CRYL1: variants seen among roughly 807,000 people sequenced by gnomAD.
The protein encoded by CRYL1 is crystallin lambda 1.
In CRYL1, 29 loss-of-function variants were observed where a neutral mutation model predicts 36.6. The observed-to-expected ratio is 0.79, with a 90% CI of 0.59 to 1.08. CRYL1 has a LOEUF of 1.08. CRYL1 is among the 50% of genes least tolerant of loss of function. CRYL1 has a pLI of 0.00. For synonymous variants in CRYL1, 152 were observed against 151.5 expected, an observed-to-expected ratio of 1.00 and a Z score of -0.02; for missense variants, 411 against 407.9, an observed-to-expected ratio of 1.01 and a Z score of -0.06.
At chr13:20,498,882 T>C (rs7318394) in intron 2 of CRYL1, among the ~76,000 whole-genome samples, 28,771 of 152,180 alleles carry the variant, frequency 0.19, 2,893 homozygotes, top group South Asian at 0.25. Context: ...TGACTTCTGA[T>C]CCTATTTTGT....
chr13:20,456,514 G>A (rs9315592), intron 3 of CRYL1, among the ~76,000 whole-genome samples: 84,199 of 147,206 alleles, frequency 0.57, 25,314 homozygotes, highest in South Asian at 0.8. Flanking sequence ...AAAGAAGAGA[G>A]GCGAGGCAGG....
At chr13:20,516,249 T>C (rs950390291) in intron 1 of CRYL1, among the ~76,000 whole-genome samples, 1 of 144,286 alleles carries the variant, frequency 6.9e-6, no homozygotes, top group African/African-American at 2.6e-5. Flanking sequence ...CTATGCTAAA[T>C]GTGGTTTAAA....
At chr13:20,445,778 AC>A (rs2032440172) in intron 3 of CRYL1, among the ~76,000 whole-genome samples, 2 of 152,252 alleles carry the variant, frequency 1.3e-5, no homozygotes, top group South Asian at 4.1e-4. Flanking sequence ...TAAAACTATG[AC>A]AAAAATCAAA....
intron 4 of CRYL1, among the ~76,000 whole-genome samples, chr13:20,437,021 T>A (rs1315348905): frequency 2.6e-5 from 4 of 151,912 alleles, no homozygotes; most frequent in African/African-American, 9.7e-5. Context: ...TGGGGCCAGG[T>A]GTGGTGCCTT....
chr13:20,456,596 G>A lies in CRYL1; in HGVS notation c.277-16842C>T, dbSNP rs559683529. On this transcript the variant is annotated intron_variant, in intron 3 of 7. Coordinates refer to ENST00000298248, the MANE Select transcript of CRYL1 (RefSeq NM_015974.3). ...TGTACTCAGGCCTGGGCAAGACCAC[G>A]ATTCTTAAAACACACACACACACAC... Among the ~76,000 whole-genome samples, 172 of 144,826 alleles carry A rather than the reference G, an allele frequency of 1.2e-3. 1 individual carries two copies. The highest frequency in any genetic ancestry group is 1.9e-3 in the Non-Finnish European group (122 of 65,626).
At chr13:20,463,550 C>CT (rs572992686) in intron 3 of CRYL1, among the ~76,000 whole-genome samples, 162 of 152,286 alleles carry the variant, frequency 1.1e-3, no homozygotes, top group African/African-American at 3.6e-3. Flanking sequence ...CCTTTCTGAA[C>CT]TAGGTGTTAA....
At chr13:20,514,678 T>A in intron 1 of CRYL1, among the ~76,000 whole-genome samples, 1 of 152,132 alleles carries the variant, frequency 6.6e-6, no homozygotes, top group East Asian at 1.9e-4. Flanking sequence ...TAATAAACGA[T>A]GTTAACAATA....
chr13:20,445,652 T>G (rs2032436677), intron 3 of CRYL1, among the ~76,000 whole-genome samples: 1 of 152,094 alleles, frequency 6.6e-6, no homozygotes, highest in African/African-American at 2.4e-5. Flanking sequence ...AAAACAGACT[T>G]TAGAAATAGA....
At chr13:20,416,664 T>C (rs1380120844) in intron 5 of CRYL1, among the ~76,000 whole-genome samples, 1 of 152,240 alleles carries the variant, frequency 6.6e-6, no homozygotes. Flanking sequence ...ACTTGCAGTG[T>C]TATTTGGCTT....
At chr13:20,457,197 A>G (rs1195546783) in intron 3 of CRYL1, among the ~76,000 whole-genome samples, 1 of 152,122 alleles carries the variant, frequency 6.6e-6, no homozygotes, top group African/African-American at 2.4e-5. Context: ...GACCCCTCCA[A>G]GTCCCATCTT....
intron 1 of CRYL1, among the ~76,000 whole-genome samples, chr13:20,520,630 G>A (rs554000507): frequency 2.6e-5 from 4 of 152,270 alleles, no homozygotes; most frequent in Non-Finnish European, 5.9e-5. Context: ...GCAGACCGCT[G>A]ACCCCTGGGG....
At chr13:20,487,250 G>GAA (rs60622317) in intron 3 of CRYL1, among the ~76,000 whole-genome samples, 38,499 of 148,166 alleles carry the variant, frequency 0.26, 4,911 homozygotes, top group Admixed American at 0.31. Context: ...TTCTTTAAAA[G>GAA]AAAAAAAAAA....
intron 3 of CRYL1, among the ~76,000 whole-genome samples, chr13:20,442,636 A>G (rs937939844): frequency 3.9e-5 from 6 of 152,118 alleles, no homozygotes; most frequent in African/African-American, 1.4e-4. Flanking sequence ...TGCACTCTCA[A>G]CTCTGTCTTT....
chr13:20,515,935 T>C (rs1280930519), intron 1 of CRYL1: 1 of 152,372 alleles, frequency 6.6e-6, no homozygotes, highest in Non-Finnish European at 1.5e-5. Context: ...CTTACGCCTA[T>C]ATTCCCAGCA....
chr13:20,506,773 A>G (rs2033801170), intron 2 of CRYL1, among the ~76,000 whole-genome samples: 1 of 152,232 alleles, frequency 6.6e-6, no homozygotes, highest in Non-Finnish European at 1.5e-5. Flanking sequence ...TGAAAAGTCT[A>G]TGGTAGCAGC....
chr13:20,439,526 A>AG, intron 4 of CRYL1, 67 bp downstream of exon 4: 2 of 1,097,148 alleles, frequency 1.8e-6, no homozygotes, highest in Non-Finnish European at 2.5e-6. Context: ...AAAAAAAAAA[A>AG]AAAAGAAAAA....
At chr13:20,466,565 G>A (rs2032937269) in intron 3 of CRYL1, among the ~76,000 whole-genome samples, 1 of 152,054 alleles carries the variant, frequency 6.6e-6, no homozygotes, top group African/African-American at 2.4e-5. Context: ...GAATAATCAG[G>A]GAAATGCAAA....
At position 20,512,438 on chromosome 13, in the gene CRYL1, C is replaced by T; in HGVS notation, c.149+5G>A. On this transcript the variant is annotated splice_donor_5th_base_variant and intron_variant, in intron 2 of 7. Coordinates refer to ENST00000298248, the MANE Select transcript of CRYL1 (RefSeq NM_015974.3). Reference sequence around the variant, plus strand: ...ATTCCTTCTGGAGAGCGCCGGCTGGCCCACCTGATGTTTTCCAGGGCGTTC... The same window carrying T: ...ATTCCTTCTGGAGAGCGCCGGCTGGTCCACCTGATGTTTTCCAGGGCGTTC... The T allele has an allele frequency of 6.2e-7, 1 of 1,607,218 alleles. No homozygotes were observed. The highest frequency in any genetic ancestry group is 8.5e-7 in the Non-Finnish European group (1 of 1,174,498).
chr13:20,499,733 T>C (rs1299249826), intron 2 of CRYL1, among the ~76,000 whole-genome samples: 3 of 152,228 alleles, frequency 2.0e-5, no homozygotes, highest in Non-Finnish European at 1.5e-5. Context: ...ATAGATGTGT[T>C]GTCAATGTGT....
Sources: gnomAD v4.1 joint callset for allele counts (sites outside exome capture counted in the v4.1 genomes callset) on GRCh38, gnomAD v4.1.1 for gene constraint, MANE v1.5 for transcripts, NCBI Gene and HGNC (gene_info 2026-07-23, HGNC 2026-07-21) for gene names.